CSMD1: variants seen among roughly 807,000 people sequenced by gnomAD.
CSMD1 encodes CUB and sushi domain-containing protein 1.
In CSMD1, 213 loss-of-function variants were observed where a neutral mutation model predicts 417.5. The observed-to-expected ratio is 0.51, with a 90% CI of 0.46 to 0.57. The LOEUF is 0.57. Among genes scored for constraint, CSMD1 ranks in the 20% least tolerant of loss-of-function variants. CSMD1 has a pLI of 0.00. For missense variants in CSMD1, 6,923 were observed against 4,529.7 expected, an observed-to-expected ratio of 1.53 and a Z score of -15.17; for synonymous variants, 2,862 against 1,736.8, an observed-to-expected ratio of 1.65 and a Z score of -16.11.
chr8:3,284,273 C>T lies in CSMD1; in HGVS notation c.4024G>A (p.Asp1342Asn), dbSNP rs764694659. The T allele has an allele frequency of 5.6e-6, 9 of 1,613,858 alleles. No individual in the cohort carries two copies. Among genetic ancestry groups the T allele is most frequent in the African/African-American group, 2.7e-5 (2 of 74,928 alleles). Residue 1342 changes from aspartate to asparagine, a missense_variant, in exon 26 of 70, where the codon GAC becomes AAC. Physicochemically the swap from Asp to Asn is conservative, Grantham distance 23 (BLOSUM62 1). Coordinates refer to ENST00000635120, the MANE Select transcript of CSMD1 (RefSeq NM_033225.6). ...LKVWDGPVDSDILLKEWSGSA... is the reference protein window; with the variant it reads ...LKVWDGPVDSNILLKEWSGSA... ...CCACTCCACTCCTTCAGCAGGATGT[C>T]ACTGTCCACCGGCCCGTCCCAGACC... is the stretch of plus-strand genomic sequence containing the variant.
In CSMD1 at chr8:3,825,051, C is replaced by T. The variant is rs368535330; in HGVS notation, c.819-71009G>A. Among the ~76,000 whole-genome samples, 7 of 152,040 alleles carry T rather than the reference C, an allele frequency of 4.6e-5. No homozygotes were observed. In the East Asian group the frequency reaches 7.7e-4, roughly 17 times the overall value. On this transcript the variant is annotated intron_variant, in intron 5 of 69. Transcript: ENST00000635120. Reference sequence around the variant, plus strand: ...CACTTTTTCATATTTAGGGAGACTTCGCTGTGATGAGGGCTTCTAGGTATG... The same window carrying T: ...CACTTTTTCATATTTAGGGAGACTTTGCTGTGATGAGGGCTTCTAGGTATG...
intron 21 of CSMD1, among the ~76,000 whole-genome samples, chr8:3,349,427 T>TGGAA (rs1162508279): frequency 6.6e-6 from 1 of 152,034 alleles, no homozygotes; most frequent in Non-Finnish European, 1.5e-5. Context: ...TGCCTCCATG[T>TGGAA]GGAAGGGTGT....
At chr8:3,837,914 G>T (rs904626789) in intron 5 of CSMD1, among the ~76,000 whole-genome samples, 2 of 151,996 alleles carry the variant, frequency 1.3e-5, no homozygotes, top group African/African-American at 4.8e-5. Context: ...ATGCACAGAT[G>T]AATATACTGT....
At chr8:3,375,127 G>A (rs1356640619) in intron 18 of CSMD1, 1 of 152,108 alleles carries the variant, frequency 6.6e-6, no homozygotes, top group Admixed American at 6.6e-5. Flanking sequence ...ACATGTACAT[G>A]TTAAACACTG....
At chr8:3,886,026 CATACATATATATAT>C (rs1385056543) in intron 5 of CSMD1, among the ~76,000 whole-genome samples, 2 of 151,544 alleles carry the variant, frequency 1.3e-5, no homozygotes, top group African/African-American at 4.8e-5. Context: ...CATATATATA[CATACATATATATAT>C]ATACAGACAC....
At chr8:4,949,189 T>C (rs1162506246) in intron 1 of CSMD1, among the ~76,000 whole-genome samples, 1 of 152,192 alleles carries the variant, frequency 6.6e-6, no homozygotes, top group African/African-American at 2.4e-5. Flanking sequence ...TATAATATTG[T>C]CTTAAATACC....
chr8:3,700,706 G>A (rs145073670), intron 7 of CSMD1: 1 of 152,342 alleles, frequency 6.6e-6, no homozygotes, highest in African/African-American at 2.4e-5. Context: ...TTCAGGCTGA[G>A]GAGAGAGGAG....
At chr8:4,725,712 A>G (rs1809386708) in intron 1 of CSMD1, among the ~76,000 whole-genome samples, 1 of 152,174 alleles carries the variant, frequency 6.6e-6, no homozygotes, top group Non-Finnish European at 1.5e-5. Context: ...ATCCCCATTT[A>G]TCTCAGATAA....
At chr8:3,934,473 T>C (rs1345838101) in intron 5 of CSMD1, among the ~76,000 whole-genome samples, 1 of 152,196 alleles carries the variant, frequency 6.6e-6, no homozygotes, top group Non-Finnish European at 1.5e-5. Context: ...AATGTCTTTT[T>C]TTCTGAAGTA....
chr8:3,402,008 T>C (rs1243377608), intron 15 of CSMD1, among the ~76,000 whole-genome samples: 1 of 152,100 alleles, frequency 6.6e-6, no homozygotes, highest in Non-Finnish European at 1.5e-5. Context: ...TGATACTGTA[T>C]TTCTAAAATA....
intron 1 of CSMD1, among the ~76,000 whole-genome samples, chr8:4,859,284 T>G (rs1198568343): frequency 4.6e-5 from 7 of 152,190 alleles, no homozygotes; most frequent in Admixed American, 4.6e-4. Flanking sequence ...ATTAAAGACT[T>G]AAACGTTAGA....
chr8:4,354,080 G>C (rs1009034889), intron 3 of CSMD1, among the ~76,000 whole-genome samples: 62 of 152,136 alleles, frequency 4.1e-4, no homozygotes, highest in Non-Finnish European at 7.2e-4. Context: ...AATCTGCATG[G>C]CAATATTGCT....
At chr8:4,070,538 T>C (rs186182683) in intron 3 of CSMD1, among the ~76,000 whole-genome samples, 2,081 of 152,200 alleles carry the variant, frequency 0.014, 51 homozygotes, top group African/African-American at 0.047. Flanking sequence ...TTTGTATTTT[T>C]AGTAGAGACG....
intron 3 of CSMD1, among the ~76,000 whole-genome samples, chr8:4,303,312 C>T (rs73502656): frequency 6.6e-6 from 1 of 151,968 alleles, no homozygotes; most frequent in Non-Finnish European, 1.5e-5. Flanking sequence ...TAACCTGGCA[C>T]TGACAAATGT....
intron 1 of CSMD1, among the ~76,000 whole-genome samples, chr8:4,807,098 A>G (rs1798633195): frequency 6.6e-6 from 1 of 152,210 alleles, no homozygotes; most frequent in Non-Finnish European, 1.5e-5. Flanking sequence ...CCACAGACTA[A>G]TACATTCTCA....
intron 6 of CSMD1, among the ~76,000 whole-genome samples, chr8:3,753,324 G>C (rs1441229857): frequency 1.3e-5 from 2 of 152,174 alleles, no homozygotes; most frequent in Non-Finnish European, 2.9e-5. Flanking sequence ...CTCATTATTA[G>C]AAACATACAG....
intron 2 of CSMD1, among the ~76,000 whole-genome samples, chr8:4,483,387 C>T (rs2915063): frequency 0.024 from 3,730 of 152,310 alleles, 140 homozygotes; most frequent in African/African-American, 0.082. Flanking sequence ...AATGCTGCTA[C>T]ATTTTCTAAA....
intron 20 of CSMD1, 54 bp from the exon 21 acceptor site, chr8:3,359,394 G>A (rs1809007218): frequency 2.3e-5 from 22 of 951,162 alleles, no homozygotes; most frequent in South Asian, 4.0e-5. Flanking sequence ...AATACACAAA[G>A]ATTAAATAGC....
At chr8:3,765,467 G>A (rs769850429) in intron 5 of CSMD1, among the ~76,000 whole-genome samples, 10 of 152,124 alleles carry the variant, frequency 6.6e-5, no homozygotes, top group Non-Finnish European at 1.3e-4. Context: ...TTGTGTAGAG[G>A]TCTACCTCAC....
Sources: allele counts gnomAD v4.1 joint callset (sites outside exome capture counted in the v4.1 genomes callset), GRCh38; gene constraint gnomAD v4.1.1; transcripts MANE v1.5; gene names NCBI Gene and HGNC (gene_info 2026-07-23, HGNC 2026-07-21).